The following PCLO variants were observed in gnomAD, a reference collection of about 807,000 sequenced individuals.
PCLO encodes the protein piccolo presynaptic cytomatrix protein, also known as protein piccolo.
A neutral mutation model predicts 427.5 loss-of-function variants in PCLO; 82 were observed. The observed-to-expected ratio is 0.19, with a 90% CI of 0.16 to 0.23. The LOEUF (loss-of-function observed/expected upper bound fraction) is 0.23. Among genes scored for constraint, PCLO ranks in the 10% least tolerant of loss-of-function variants. The pLI, the probability that PCLO is intolerant of heterozygous loss-of-function variation, is 1.00. For synonymous variants in PCLO, 2,357 were observed against 2,155.4 expected (o/e 1.09, Z -2.59); for missense variants, 6,239 against 6,115.9 (o/e 1.02, Z -0.67).
intron 10 of PCLO, among the ~76,000 whole-genome samples, chr7:82,857,514 A>G (rs989226373): frequency 1.3e-5 from 2 of 152,114 alleles, no homozygotes; most frequent in African/African-American, 4.8e-5. Flanking sequence ...AGTGTCTCCT[A>G]ACAAATATAA....
chr7:83,043,920 T>TC (rs1562935988), intron 3 of PCLO, among the ~76,000 whole-genome samples: 46 of 105,206 alleles, frequency 4.4e-4, no homozygotes, highest in Non-Finnish European at 7.6e-4. Flanking sequence ...TTCTTTTTTT[T>TC]TTTTTTTTTT....
chr7:82,821,060 T>C, intron 20 of PCLO: 2 of 1,144,504 alleles, frequency 1.7e-6, no homozygotes, highest in Non-Finnish European at 2.1e-6. Context: ...ATGAGAGCTT[T>C]AAATTTGGGG....
chr7:83,090,793 T>C (rs1440249984), intron 3 of PCLO, among the ~76,000 whole-genome samples: 1 of 152,182 alleles, frequency 6.6e-6, no homozygotes, highest in Non-Finnish European at 1.5e-5. Flanking sequence ...ATATTTTCAG[T>C]AAAATTCCAT....
At chr7:82,826,431 T>G (rs545185582) in intron 18 of PCLO, among the ~76,000 whole-genome samples, 158 bp downstream of exon 18, 14 of 152,272 alleles carry the variant, frequency 9.2e-5, no homozygotes, top group Admixed American at 3.9e-4. Context: ...GAATTGGTAT[T>G]AATCTACTCA....
chr7:82,967,100 A>G (rs1349560665), intron 3 of PCLO, among the ~76,000 whole-genome samples: 1 of 151,950 alleles, frequency 6.6e-6, no homozygotes, highest in African/African-American at 2.4e-5. Context: ...ACATTACCTC[A>G]TGCAGTTGAA....
At chr7:83,056,597 T>C (rs898475076) in intron 3 of PCLO, among the ~76,000 whole-genome samples, 1 of 152,218 alleles carries the variant, frequency 6.6e-6, no homozygotes, top group African/African-American at 2.4e-5. Flanking sequence ...CTCATCTATA[T>C]GTATATTCTG....
intron 15 of PCLO, 22 bp from the exon 16 acceptor site, chr7:82,835,715 G>A: frequency 6.3e-7 from 1 of 1,599,588 alleles, no homozygotes; most frequent in Non-Finnish European, 8.6e-7. Flanking sequence ...CCAAGAGCGA[G>A]AGTGAAGGGG....
rs1554333552 is a variant in PCLO, at chr7:82,794,459, C to CTGTTTTTTTTTTTTTTTTTTTTTTTT, written c.15007+7058_15007+7059insAAAAAAAAAAAAAAAAAAAAAAAACA. ...ACATGCTAGTTCATAAATTTTTTTTCTTTTTTTTTTTTTTTTTTTTTTTTT... is the reference window on the plus strand; with the variant it reads ...ACATGCTAGTTCATAAATTTTTTTTCTGTTTTTTTTTTTTTTTTTTTTTTTTTTTTTTTTTTTTTTTTTTTTTTTTT... On this transcript the variant is annotated intron_variant, in intron 22 of 24. Transcript: ENST00000333891. Among the ~76,000 whole-genome samples, 40 of 56,370 alleles carry CTGTTTTTTTTTTTTTTTTTTTTTTTT rather than the reference C, an allele frequency of 7.1e-4. 7 individuals are homozygous for CTGTTTTTTTTTTTTTTTTTTTTTTTT. Among genetic ancestry groups the CTGTTTTTTTTTTTTTTTTTTTTTTTT allele is most frequent in the South Asian group, 4.2e-3 (3 of 710 alleles). 37.0% of individuals were successfully genotyped at this position (56,370 alleles called of 152,430 possible).
intron 13 of PCLO, among the ~76,000 whole-genome samples, chr7:82,843,709 C>T (rs894220627): frequency 2.0e-5 from 3 of 150,342 alleles, no homozygotes; most frequent in Non-Finnish European, 3.0e-5. Context: ...CTGTCCCCTC[C>T]GGCTAGAGTG....
At chr7:82,866,027 G>A (rs981391232) in intron 10 of PCLO, among the ~76,000 whole-genome samples, 5 of 152,180 alleles carry the variant, frequency 3.3e-5, no homozygotes, top group African/African-American at 7.2e-5. Context: ...TTTGGTATCC[G>A]CTCTTTCACG....
chr7:82,907,124 G>A (rs1407392462), intron 8 of PCLO, among the ~76,000 whole-genome samples: 4 of 151,820 alleles, frequency 2.6e-5, no homozygotes, highest in South Asian at 2.1e-4. Context: ...TGGGCTGGAC[G>A]CATTACTTTA....
intron 9 of PCLO, among the ~76,000 whole-genome samples, chr7:82,900,837 G>A (rs1277363932): frequency 1.3e-5 from 2 of 151,684 alleles, no homozygotes; most frequent in East Asian, 1.9e-4. Context: ...CATTAGTAAC[G>A]TTGGGCAAAG....
chr7:83,141,880 G>T (rs560796226), intron 2 of PCLO, among the ~76,000 whole-genome samples: 17 of 152,134 alleles, frequency 1.1e-4, no homozygotes, highest in Non-Finnish European at 2.1e-4. Flanking sequence ...TGATTTTTAA[G>T]AGTGTATCTT....
At chr7:82,985,845 G>T (rs573053021) in intron 3 of PCLO, among the ~76,000 whole-genome samples, 1 of 151,328 alleles carries the variant, frequency 6.6e-6, no homozygotes, top group Admixed American at 6.6e-5. Flanking sequence ...TTTCAACCAG[G>T]TAATTAAAAT....
intron 7 of PCLO, among the ~76,000 whole-genome samples, chr7:82,913,335 T>G (rs1293142313): frequency 6.6e-6 from 1 of 152,008 alleles, no homozygotes; most frequent in Non-Finnish European, 1.5e-5. Context: ...ATCTTATTCA[T>G]CTAGACAAAG....
At chr7:82,841,338 AC>A in intron 14 of PCLO, 120 bp downstream of exon 14, 1 of 668,596 alleles carries the variant, frequency 1.5e-6, no homozygotes, top group Non-Finnish European at 2.7e-6. Context: ...TTTTTCCTTT[AC>A]AGTTCTGTAT....
At chr7:82,848,743 T>C in intron 10 of PCLO, 1 of 196,986 alleles carries the variant, frequency 5.1e-6, no homozygotes. Context: ...ATGATATATA[T>C]TAGAAAGCAT....
intron 22 of PCLO, among the ~76,000 whole-genome samples, chr7:82,795,919 A>G (rs1213820500): frequency 1.3e-5 from 2 of 152,190 alleles, no homozygotes; most frequent in African/African-American, 2.4e-5. Flanking sequence ...CCTCTCTCTC[A>G]TAAGTAAATC....
intron 22 of PCLO, among the ~76,000 whole-genome samples, chr7:82,782,640 C>A (rs1790897034): frequency 6.6e-6 from 1 of 152,088 alleles, no homozygotes; most frequent in African/African-American, 2.4e-5. Flanking sequence ...TGTATAAATT[C>A]TAAATGAGCT....
Sources: gnomAD v4.1 joint callset for allele counts (sites outside exome capture counted in the v4.1 genomes callset) on GRCh38, gnomAD v4.1.1 for gene constraint, MANE v1.5 for transcripts, NCBI Gene and HGNC (gene_info 2026-07-23, HGNC 2026-07-21) for gene names.